The following MAST4 variants were observed in gnomAD, a reference collection of about 807,000 sequenced individuals.
MAST4 encodes microtubule-associated serine/threonine-protein kinase 4.
In MAST4, 89 loss-of-function variants were observed where a neutral mutation model predicts 162.7. The ratio of observed to expected loss-of-function variants is 0.55; its 90% CI spans 0.46 to 0.65. The LOEUF (loss-of-function observed/expected upper bound fraction) is 0.65. Ranked by LOEUF, MAST4 falls within the 30% of genes least tolerant of loss-of-function variation. The probability of loss-of-function intolerance (pLI) is 0.00; values close to 1 mark genes in which losing one functional copy is unlikely to be tolerated. For missense variants in MAST4, 3,153 were observed against 3,374.0 expected (o/e 0.93, Z 1.62); for synonymous variants, 1,479 against 1,361.1 (o/e 1.09, Z -1.91).
chr5:67,168,258 C>G lies in MAST4; in HGVS notation c.*1207C>G, dbSNP rs538829829. On this transcript the variant is annotated 3_prime_UTR_variant, in exon 29 of 29. Transcript: ENST00000403625. Reference sequence around the variant, plus strand: ...GAAGCTTGCTGTTTTTAGCAAGTTCCTGGGTTTCACATTCATTTCTGCTGC... The same window carrying G: ...GAAGCTTGCTGTTTTTAGCAAGTTCGTGGGTTTCACATTCATTTCTGCTGC... 4 of 151,940 alleles carry G rather than the reference C, an allele frequency of 2.6e-5. 1 individual carries two copies. In the South Asian group the frequency reaches 6.2e-4, roughly 24 times the overall value. 9.4% of individuals were successfully genotyped at this position (151,940 alleles called of 1,614,324 possible). A position where few individuals can be genotyped will look rare whatever the true frequency, so the allele number is the denominator to read the frequency against.
intron 1 of MAST4, among the ~76,000 whole-genome samples, chr5:66,726,560 C>T (rs145014478): frequency 4.1e-4 from 63 of 152,180 alleles, no homozygotes; most frequent in South Asian, 2.9e-3. Flanking sequence ...TGATTTGATT[C>T]TATAGACACT....
chr5:66,623,340 A>G (rs1377060793), intron 1 of MAST4, among the ~76,000 whole-genome samples: 1 of 152,214 alleles, frequency 6.6e-6, no homozygotes, highest in Admixed American at 6.5e-5. Context: ...CACCACAAGA[A>G]AAGAAAACTA....
At chr5:66,688,361 C>T (rs536289331) in intron 1 of MAST4, among the ~76,000 whole-genome samples, 13 of 152,266 alleles carry the variant, frequency 8.5e-5, no homozygotes, top group Middle Eastern at 3.4e-3. Context: ...GTGCTGTCTG[C>T]ATCTGATTCA....
At chr5:66,902,768 C>T (rs1232126842) in intron 4 of MAST4, 1 of 455,686 alleles carries the variant, frequency 2.2e-6, no homozygotes, top group African/African-American at 2.0e-5. Flanking sequence ...AGAGGCATTC[C>T]AGCTTCCTAG....
At chr5:67,134,466 C>A in intron 17 of MAST4, 57 bp from the exon 18 acceptor site, 1 of 1,516,896 alleles carries the variant, frequency 6.6e-7, no homozygotes, top group Non-Finnish European at 9.0e-7. Context: ...AGCCATCTTG[C>A]TCATTTTAAT....
At chr5:67,037,424 G>C (rs1756159075) in intron 4 of MAST4, among the ~76,000 whole-genome samples, 1 of 152,046 alleles carries the variant, frequency 6.6e-6, no homozygotes, top group Admixed American at 6.6e-5. Context: ...GACAGAACTG[G>C]ATCTGTATTA....
chr5:66,628,992 A>G (rs4700142), intron 1 of MAST4, among the ~76,000 whole-genome samples: 51,336 of 152,020 alleles, frequency 0.34, 8,787 homozygotes, highest in African/African-American at 0.37. Context: ...GCATGATTAC[A>G]TTAGGGACCC....
chr5:67,004,950 A>G (rs1293974566), intron 4 of MAST4: 2 of 731,474 alleles, frequency 2.7e-6, no homozygotes, highest in African/African-American at 1.7e-5. Flanking sequence ...TCCCCATTTT[A>G]GTCATATGGC....
chr5:67,099,046 A>G (rs1437584750), intron 7 of MAST4, among the ~76,000 whole-genome samples: 3 of 152,130 alleles, frequency 2.0e-5, no homozygotes, highest in Non-Finnish European at 2.9e-5. Context: ...AATCTTGGAT[A>G]CAGGATTGTG....
intron 14 of MAST4, among the ~76,000 whole-genome samples, chr5:67,123,496 G>A (rs1027247227): frequency 6.6e-6 from 1 of 152,114 alleles, no homozygotes; most frequent in African/African-American, 2.4e-5. Flanking sequence ...CTTCTCACAA[G>A]AGCCCTTGTA....
At chr5:66,782,848 A>G (rs1754939901) in intron 2 of MAST4, among the ~76,000 whole-genome samples, 1 of 152,216 alleles carries the variant, frequency 6.6e-6, no homozygotes, top group Non-Finnish European at 1.5e-5. Flanking sequence ...TAATTTTCTT[A>G]AATTGTAGGC....
At chr5:66,725,330 C>T (rs945233748) in intron 1 of MAST4, among the ~76,000 whole-genome samples, 10 of 152,070 alleles carry the variant, frequency 6.6e-5, no homozygotes, top group African/African-American at 2.4e-4. Flanking sequence ...CTTCTCGTTA[C>T]ATTTTTGATT....
chr5:66,693,566 A>G (rs1279596489), intron 1 of MAST4, among the ~76,000 whole-genome samples: 2 of 99,864 alleles, frequency 2.0e-5, no homozygotes, highest in Admixed American at 1.2e-4. Flanking sequence ...AAGATTTGTT[A>G]AATGCCTGCT....
chr5:66,971,997 C>T (rs1027443375), intron 4 of MAST4, among the ~76,000 whole-genome samples: 9 of 145,454 alleles, frequency 6.2e-5, no homozygotes, highest in African/African-American at 1.4e-4. Context: ...AATACAAATG[C>T]GAAAACTTTA....
intron 1 of MAST4, among the ~76,000 whole-genome samples, chr5:66,739,090 A>T (rs181857918): frequency 5.8e-4 from 89 of 152,286 alleles, no homozygotes; most frequent in African/African-American, 1.9e-3. Flanking sequence ...ACTTAAATGC[A>T]TTTGTGTGAT....
intron 1 of MAST4, among the ~76,000 whole-genome samples, chr5:66,678,656 A>T (rs865998093): frequency 6.7e-6 from 1 of 149,370 alleles, no homozygotes; most frequent in African/African-American, 2.5e-5. Context: ...CACCACACTC[A>T]GCTAATTTTT....
intron 4 of MAST4, among the ~76,000 whole-genome samples, chr5:66,991,842 ATGT>A (rs1750096936): frequency 6.6e-6 from 1 of 152,214 alleles, no homozygotes; most frequent in Admixed American, 6.5e-5. Context: ...CGATTGAAGG[ATGT>A]GCCTCCATGA....
At position 67,118,715 on chromosome 5, in the gene MAST4, C is replaced by T. The variant is rs768415448; in HGVS notation, c.1625C>T (p.Thr542Ile). 4.4e-6 allele frequency: 7 copies of T among 1,577,324 alleles called. No homozygotes were observed. In the Admixed American group the frequency reaches 1.3e-4, roughly 28 times the overall value. ...MAHLGNYDSG[T>I]AETPETDESV... ...CATTTGGGAAACTACGATAGTGGGA[C>T]AGCAGAAACACCAGAAACAGATGAA... The change falls in exon 13 of 29, where the codon ACA becomes ATA. Residue 542 changes from threonine to isoleucine, a missense_variant. Around this residue, in one of 7 missense-constraint regions of MAST4, gnomAD observed 360 missense variants for 450.0 expected, o/e 0.80. Coordinates refer to ENST00000403625, the MANE Select transcript of MAST4 (RefSeq NM_001164664.2).
At chr5:66,614,194 T>G (rs1743489254) in intron 1 of MAST4, among the ~76,000 whole-genome samples, 1 of 152,178 alleles carries the variant, frequency 6.6e-6, no homozygotes, top group Admixed American at 6.5e-5. Context: ...ATCCTTCACC[T>G]TTCCCTCAGG....
Sources: allele counts gnomAD v4.1 joint callset (sites outside exome capture counted in the v4.1 genomes callset), GRCh38; gene constraint gnomAD v4.1.1; regional missense constraint gnomAD v4.1.1; transcripts MANE v1.5; gene names NCBI Gene and HGNC (gene_info 2026-07-23, HGNC 2026-07-21).